AK3: variants seen among roughly 807,000 people sequenced by gnomAD.
The protein encoded by AK3 is adenylate kinase 3.
A neutral mutation model predicts 23.7 loss-of-function variants in AK3; 27 were observed. The ratio of observed to expected loss-of-function variants is 1.14; its 90% confidence interval spans 0.84 to 1.57. The LOEUF is 1.57. AK3 is among the 40% of genes most tolerant of loss of function. The pLI, the probability that AK3 is intolerant of heterozygous loss-of-function variation, is 0.00. For synonymous variants in AK3, 159 were observed against 116.0 expected (o/e 1.37, Z -2.38); for missense variants, 406 against 285.6 (o/e 1.42, Z -3.04).
intron 1 of AK3, among the ~76,000 whole-genome samples, chr9:4,729,367 TCAGGAGGCTGAGG>T (rs1189214432): frequency 1.3e-5 from 2 of 152,074 alleles, no homozygotes; most frequent in South Asian, 2.1e-4. Context: ...TTCCAGCTAT[TCAGGAGGCTGAGG>T]CAGGAGGCTG....
rs1365241105 is a variant in AK3, at chr9:4,729,012, TA to T, written c.152-6388del. Reference sequence around the variant, plus strand: ...ACACACACACACATATATATATATATATATTTTTTTTTTTTGAGACGGAATT... The same window carrying T: ...ACACACACACACATATATATATATATTATTTTTTTTTTTTGAGACGGAATT... On this transcript the variant is annotated intron_variant, in intron 1 of 4. Transcript: ENST00000381809. Among the ~76,000 whole-genome samples, 636 of 107,760 alleles carry T rather than the reference TA, an allele frequency of 5.9e-3. 17 individuals carry two copies. Among genetic ancestry groups the T allele is most frequent in the African/African-American group, 0.022 (608 of 27,622 alleles). 70.7% of individuals were successfully genotyped at this position (107,760 alleles called of 152,430 possible). A position where few individuals can be genotyped will look rare whatever the true frequency, so the allele number is the denominator to read the frequency against.
chr9:4,714,025 G>GCCTACGCATATACACGC, intron 4 of AK3, among the ~76,000 whole-genome samples: 1 of 2,850 alleles, frequency 3.5e-4, no homozygotes, highest in South Asian at 6.8e-3. Flanking sequence ...CACATATACA[G>GCCTACGCATATACACGC]CTACACATAT....
chr9:4,725,235 G>C (rs1007233930), intron 1 of AK3, among the ~76,000 whole-genome samples: 1 of 151,398 alleles, frequency 6.6e-6, no homozygotes, highest in African/African-American at 2.4e-5. Flanking sequence ...TGTTGGCCAG[G>C]CTCGAAATCC....
At chr9:4,723,178 T>G (rs548597458) in intron 1 of AK3, among the ~76,000 whole-genome samples, 2 of 152,194 alleles carry the variant, frequency 1.3e-5, no homozygotes, top group Non-Finnish European at 2.9e-5. Flanking sequence ...ATTGTAAAGG[T>G]ATAGACCAAT....
At chr9:4,730,675 T>C (rs1316449718) in intron 1 of AK3, among the ~76,000 whole-genome samples, 8 of 152,210 alleles carry the variant, frequency 5.3e-5, no homozygotes, top group Admixed American at 1.3e-4. Flanking sequence ...ATCCTATGTG[T>C]AGTCTAATAA....
rs1841503584 is a variant in AK3 at position 4,709,827 on chromosome 9, AT to A, written c.*3148del. 1 of 151,878 alleles carries A rather than the reference AT, an allele frequency of 6.6e-6. No individual in the cohort carries two copies. The highest frequency in any genetic ancestry group is 2.1e-4 in the South Asian group (1 of 4,828). The allele number at this position is 151,878 out of a possible 1,614,324, so 9.4% of individuals were successfully genotyped here. A position where few individuals can be genotyped will look rare whatever the true frequency, so the allele number is the denominator to read the frequency against. ...GGCCTGAGGATTTATTTTTATTTTT[AT>A]TTTTATTTTTTGGTCAATGAGAAGA... On this transcript the variant is annotated 3_prime_UTR_variant, in exon 5 of 5. Transcript: ENST00000381809.
At position 4,712,044 on chromosome 9, in the gene AK3, G is replaced by A. The variant is rs1476376111; in HGVS notation, c.*932C>T. 1 of 152,074 alleles carries A rather than the reference G, an allele frequency of 6.6e-6. No individual in the cohort carries two copies. The highest frequency in any genetic ancestry group is 1.5e-5 in the Non-Finnish European group (1 of 68,014). The allele number at this position is 152,074 out of a possible 1,614,324, so 9.4% of individuals were successfully genotyped here. A position where few individuals can be genotyped will look rare whatever the true frequency, so the allele number is the denominator to read the frequency against. On this transcript the variant is annotated 3_prime_UTR_variant, in exon 5 of 5. Coordinates refer to ENST00000381809, the MANE Select transcript of AK3 (RefSeq NM_016282.4). Reference sequence around the variant, plus strand: ...TTACTTTATTTACATAGTGCCACGGGTTTCTCTTTTTTCTTCTCTTTTTTA... The same window carrying A: ...TTACTTTATTTACATAGTGCCACGGATTTCTCTTTTTTCTTCTCTTTTTTA...
intron 3 of AK3, 92 bp downstream of exon 3, chr9:4,719,043 A>AGTC: frequency 6.9e-7 from 1 of 1,457,350 alleles, no homozygotes; most frequent in South Asian, 1.3e-5. Context: ...AGTTTTGGTC[A>AGTC]GAGGATTTCC....
At chr9:4,731,069 C>G (rs75190274) in intron 1 of AK3, among the ~76,000 whole-genome samples, 107 of 152,262 alleles carry the variant, frequency 7.0e-4, no homozygotes, top group Non-Finnish European at 1.2e-3. Context: ...CTGATATTGT[C>G]ATTCTTTCTC....
intron 1 of AK3, among the ~76,000 whole-genome samples, chr9:4,728,984 T>A (rs1011473673): frequency 3.6e-4 from 23 of 64,034 alleles, no homozygotes; most frequent in African/African-American, 8.4e-4. Context: ...CCTACATATA[T>A]ATACACACAC....
intron 4 of AK3, among the ~76,000 whole-genome samples, chr9:4,713,507 A>G (rs576966968): frequency 1.3e-5 from 2 of 152,266 alleles, no homozygotes; most frequent in African/African-American, 2.4e-5. Context: ...TCCAAACAGG[A>G]CCTATAAGAT....
chr9:4,738,799 ACT>A (rs1227022588), intron 1 of AK3, among the ~76,000 whole-genome samples: 1 of 123,072 alleles, frequency 8.1e-6, no homozygotes, highest in Non-Finnish European at 1.6e-5. Context: ...ACAGGGTATC[ACT>A]CTGTCTGTCA....
At chr9:4,723,821 A>C (rs1439830239) in intron 1 of AK3, among the ~76,000 whole-genome samples, 2 of 152,160 alleles carry the variant, frequency 1.3e-5, no homozygotes, top group East Asian at 3.8e-4. Flanking sequence ...TCATCACCAA[A>C]GACTCTTGTT....
At chr9:4,734,923 C>A (rs1291666068) in intron 1 of AK3, among the ~76,000 whole-genome samples, 2 of 152,034 alleles carry the variant, frequency 1.3e-5, no homozygotes, top group African/African-American at 4.8e-5. Context: ...TGTATGATTG[C>A]ATTTGTATGA....
chr9:4,721,705 C>T (rs1841901184), intron 2 of AK3, among the ~76,000 whole-genome samples: 1 of 152,188 alleles, frequency 6.6e-6, no homozygotes, highest in Non-Finnish European at 1.5e-5. Flanking sequence ...GTGATCCGCC[C>T]ACCTTGGCCT....
At chr9:4,733,727 C>T (rs994364395) in intron 1 of AK3, among the ~76,000 whole-genome samples, 1 of 152,100 alleles carries the variant, frequency 6.6e-6, no homozygotes, top group African/African-American at 2.4e-5. Context: ...CTGGGTCCAG[C>T]CTCATCTTAT....
chr9:4,731,148 A>C (rs546148207), intron 1 of AK3, among the ~76,000 whole-genome samples: 1 of 152,300 alleles, frequency 6.6e-6, no homozygotes, highest in Admixed American at 6.5e-5. Flanking sequence ...TTTCAGGGAT[A>C]TATGTGCAGG....
At chr9:4,737,363 G>C (rs1842321270) in intron 1 of AK3, among the ~76,000 whole-genome samples, 1 of 152,120 alleles carries the variant, frequency 6.6e-6, no homozygotes, top group African/African-American at 2.4e-5. Flanking sequence ...AGAGAAAAGA[G>C]TATTTAACAT....
intron 1 of AK3, among the ~76,000 whole-genome samples, chr9:4,731,384 C>T (rs561766848): frequency 1.5e-4 from 23 of 152,222 alleles, no homozygotes; most frequent in African/African-American, 5.1e-4. Flanking sequence ...GTTTTCTTTT[C>T]CTGCGTTAGT....
Sources: allele counts gnomAD v4.1 joint callset (sites outside exome capture counted in the v4.1 genomes callset), GRCh38; gene constraint gnomAD v4.1.1; transcripts MANE v1.5; gene names NCBI Gene and HGNC (gene_info 2026-07-23, HGNC 2026-07-21).